NBAS: variants seen among roughly 807,000 people sequenced by gnomAD.
NBAS encodes the protein NBAS subunit of NRZ tethering complex, also known as NAG/BC035112 fusion.
A neutral mutation model predicts 302.5 loss-of-function variants in NBAS; 219 were observed. That is an observed-to-expected ratio of 0.72 (90% CI 0.65 to 0.81). NBAS has a LOEUF of 0.81. Among genes scored for constraint, NBAS ranks in the 30% least tolerant of loss-of-function variants. NBAS has a pLI of 0.00. For missense variants in NBAS, 2,932 were observed against 2,841.6 expected (o/e 1.03, Z -0.72); for synonymous variants, 1,118 against 1,021.6 (o/e 1.09, Z -1.80).
the NBAS span, among the ~76,000 whole-genome samples, chr2:14,975,711 A>C: frequency 6.6e-6 from 1 of 152,190 alleles, no homozygotes. Flanking sequence ...TAAGTCCCAC[A>C]TACGTTGATA....
chr2:15,282,620 T>C (rs1021684835), intron 42 of NBAS, among the ~76,000 whole-genome samples: 7 of 152,192 alleles, frequency 4.6e-5, no homozygotes, highest in African/African-American at 1.7e-4. Context: ...AAGGTGCTAT[T>C]ATGATCTCTA....
chr2:14,928,613 A>T, the NBAS span, among the ~76,000 whole-genome samples: 13,170 of 152,086 alleles, frequency 0.087, 641 homozygotes, highest in African/African-American at 0.11. Context: ...GATTGATTTT[A>T]GCCTGAAAAG....
chr2:15,162,221 A>G (rs556565005), downstream of NBAS, among the ~76,000 whole-genome samples: 29 of 152,194 alleles, frequency 1.9e-4, no homozygotes, highest in Non-Finnish European at 3.4e-4. Context: ...GTTTGTCAAG[A>G]CAACACGCAT....
intron 25 of NBAS, among the ~76,000 whole-genome samples, chr2:15,411,495 C>A (rs1676683889): frequency 6.6e-6 from 1 of 152,054 alleles, no homozygotes; most frequent in Non-Finnish European, 1.5e-5. Context: ...AATTTCTAGT[C>A]AATGATATTG....
the NBAS span, among the ~76,000 whole-genome samples, chr2:15,131,720 A>G: frequency 6.6e-6 from 1 of 152,188 alleles, no homozygotes; most frequent in Non-Finnish European, 1.5e-5. Context: ...CGAGACTGGT[A>G]ATTTATAAAG....
At chr2:15,125,886 T>A in the NBAS span, among the ~76,000 whole-genome samples, 1 of 152,196 alleles carries the variant, frequency 6.6e-6, no homozygotes, top group African/African-American at 2.4e-5. Context: ...AAGTTGATGC[T>A]GGAACAAGAT....
At chr2:15,390,741 T>G (rs1398021792) in intron 28 of NBAS, among the ~76,000 whole-genome samples, 1 of 152,158 alleles carries the variant, frequency 6.6e-6, no homozygotes, top group Non-Finnish European at 1.5e-5. Flanking sequence ...GACTTAATTT[T>G]TTAAAAAAGA....
chr2:15,536,682 T>G, intron 7 of NBAS, 131 bp from the exon 8 acceptor site: 1 of 862,494 alleles, frequency 1.2e-6, no homozygotes, highest in Non-Finnish European at 1.8e-6. Flanking sequence ...AGAATTGCTC[T>G]GTATACTCAA....
At chr2:15,547,057 T>C (rs1009124808) in intron 6 of NBAS, among the ~76,000 whole-genome samples, 2 of 152,238 alleles carry the variant, frequency 1.3e-5, no homozygotes, top group Non-Finnish European at 1.5e-5. Flanking sequence ...TAATTTCGTG[T>C]GCTATTTTTA....
the NBAS span, among the ~76,000 whole-genome samples, chr2:14,786,460 G>A: frequency 2.6e-5 from 4 of 152,032 alleles, no homozygotes; most frequent in Non-Finnish European, 5.9e-5. Context: ...TGGGTATTTA[G>A]TGCTATAAAT....
intron 35 of NBAS, among the ~76,000 whole-genome samples, chr2:15,345,607 T>C (rs1176981409): frequency 6.6e-6 from 1 of 152,170 alleles, no homozygotes; most frequent in Non-Finnish European, 1.5e-5. Context: ...TTTAATGCTA[T>C]TCCCATCAAA....
At chr2:15,034,235 G>GAAAGAAAGAAAGAAGAAAGAAAGAAA in the NBAS span, among the ~76,000 whole-genome samples, 3 of 81,636 alleles carry the variant, frequency 3.7e-5, no homozygotes, top group Admixed American at 1.3e-4. Flanking sequence ...AAAGAAAGAA[G>GAAAGAAAGAAAGAAGAAAGAAAGAAA]GAAAGAAAGA....
rs753999810 is a variant in NBAS, at chr2:15,553,491, G to A, written c.288-18C>T. Reference sequence around the variant, plus strand: ...TTCCATTGCTTTTATGGAGAAGAAAGAGGGGGAAGAAAATCTATTATGAAT... The same window carrying A: ...TTCCATTGCTTTTATGGAGAAGAAAAAGGGGGAAGAAAATCTATTATGAAT... On this transcript the variant is annotated intron_variant, in intron 4 of 51. Transcript: ENST00000281513. 3.1e-6 allele frequency: 5 copies of A among 1,601,998 alleles called. No homozygotes were observed. In the East Asian group the frequency reaches 1.1e-4, roughly 36 times the overall value.
chr2:14,997,931 A>G, the NBAS span, among the ~76,000 whole-genome samples: 6 of 152,232 alleles, frequency 3.9e-5, no homozygotes, highest in African/African-American at 9.6e-5. Context: ...TGAGATAAAC[A>G]GAGGCACAAT....
rs76512775 is a variant in NBAS, at chr2:15,557,784, T to C, written c.172+796A>G. ...TCATAAAGGAGTAACGGCACCTTTC[T>C]GGTCTGATAAAAGGACTCTATTAAT... On this transcript the variant is annotated intron_variant, in intron 2 of 51. Coordinates refer to ENST00000281513, the MANE Select transcript of NBAS (RefSeq NM_015909.4). Among the ~76,000 whole-genome samples the C allele has an allele frequency of 4.5e-3, 682 of 152,322 alleles. 9 individuals carry two copies. The highest frequency in any genetic ancestry group is 0.015 in the African/African-American group (641 of 41,572).
chr2:15,487,195 A>T (rs1680665953), intron 12 of NBAS, among the ~76,000 whole-genome samples: 1 of 152,256 alleles, frequency 6.6e-6, no homozygotes, highest in African/African-American at 2.4e-5. Context: ...CAGAGAGAAC[A>T]TCAGGCTCCT....
At chr2:15,088,324 A>G in the NBAS span, among the ~76,000 whole-genome samples, 1 of 152,226 alleles carries the variant, frequency 6.6e-6, no homozygotes, top group African/African-American at 2.4e-5. Flanking sequence ...GCTGTGTTTT[A>G]GAAAAATCAA....
the NBAS span, among the ~76,000 whole-genome samples, chr2:14,885,336 T>G: frequency 1.3e-5 from 2 of 152,124 alleles, no homozygotes; most frequent in African/African-American, 4.8e-5. Flanking sequence ...AGGGAGCGAA[T>G]CAAGGATTAC....
intron 9 of NBAS, among the ~76,000 whole-genome samples, chr2:15,512,973 C>T (rs1662214110): frequency 6.6e-6 from 1 of 152,194 alleles, no homozygotes; most frequent in African/African-American, 2.4e-5. Context: ...TTTGACAACC[C>T]ACTTTCTAAA....
Sources: gnomAD v4.1 joint callset for allele counts (sites outside exome capture counted in the v4.1 genomes callset) on GRCh38, gnomAD v4.1.1 for gene constraint, MANE v1.5 for transcripts, NCBI Gene and HGNC (gene_info 2026-07-23, HGNC 2026-07-21) for gene names.